Variants in WDPCP observed in about 807,000 individuals in gnomAD.
WDPCP encodes the protein WD repeat-containing and planar cell polarity effector protein fritz homolog.
In WDPCP, 71 loss-of-function variants were observed where a neutral mutation model predicts 93.1. The ratio of observed to expected loss-of-function variants is 0.76; its 90% CI spans 0.63 to 0.93. The LOEUF is 0.93. Ranked by LOEUF, WDPCP falls within the 40% of genes least tolerant of loss-of-function variation. WDPCP has a pLI of 0.00. For missense variants in WDPCP, 844 were observed against 887.4 expected, an observed-to-expected ratio of 0.95 and a Z score of 0.62; for synonymous variants, 315 against 315.0, an observed-to-expected ratio of 1.00 and a Z score of 0.00.
intron 6 of WDPCP, among the ~76,000 whole-genome samples, chr2:63,456,891 A>G (rs1189015471): frequency 6.6e-6 from 1 of 152,154 alleles, no homozygotes; most frequent in Non-Finnish European, 1.5e-5. Flanking sequence ...ACATGCCTGT[A>G]ATCCCAGCTA....
chr2:63,785,542 T>C (rs1211130651), intron 2 of WDPCP, among the ~76,000 whole-genome samples: 2 of 152,152 alleles, frequency 1.3e-5, no homozygotes, highest in Non-Finnish European at 2.9e-5. Flanking sequence ...CAGCAGATAA[T>C]TTTTTCCCTA....
At chr2:63,321,928 A>G (rs6545991) in intron 12 of WDPCP, among the ~76,000 whole-genome samples, 121,840 of 152,098 alleles carry the variant, frequency 0.8, 49,677 homozygotes, top group East Asian at 0.96. Flanking sequence ...GGTATTATTG[A>G]CACAAAAAAA....
chr2:63,640,346 T>G (rs1161674766), intron 3 of WDPCP, among the ~76,000 whole-genome samples: 1 of 152,164 alleles, frequency 6.6e-6, no homozygotes, highest in Non-Finnish European at 1.5e-5. Flanking sequence ...CATGAAAAAT[T>G]AGCTGCATGT....
At chr2:63,437,642 C>G (rs1259497240) in intron 7 of WDPCP, 88 bp from the exon 8 acceptor site, 2 of 1,261,010 alleles carry the variant, frequency 1.6e-6, no homozygotes, top group Admixed American at 4.8e-5. Context: ...TATTTTCAAA[C>G]ATACATATTA....
At chr2:63,825,137 T>C (rs1671093608) in intron 1 of WDPCP, among the ~76,000 whole-genome samples, 1 of 152,180 alleles carries the variant, frequency 6.6e-6, no homozygotes, top group Non-Finnish European at 1.5e-5. Context: ...GTCTCACTAA[T>C]AAATGCCGGT....
intron 6 of WDPCP, among the ~76,000 whole-genome samples, chr2:63,449,892 T>G (rs1698117152): frequency 6.6e-6 from 1 of 152,142 alleles, no homozygotes; most frequent in Non-Finnish European, 1.5e-5. Context: ...GACATCCCAG[T>G]GTCCACTCAG....
chr2:63,432,613 T>G (rs534758597), intron 9 of WDPCP, among the ~76,000 whole-genome samples: 1 of 152,130 alleles, frequency 6.6e-6, no homozygotes, highest in Non-Finnish European at 1.5e-5. Context: ...ACATGGTTTA[T>G]GTAAGGAAAC....
intron 1 of WDPCP, among the ~76,000 whole-genome samples, chr2:63,529,877 C>T (rs547242446): frequency 3.3e-5 from 5 of 152,066 alleles, no homozygotes; most frequent in African/African-American, 1.2e-4. Flanking sequence ...CAATTTCAGA[C>T]CCTGTTATTG....
intron 2 of WDPCP, among the ~76,000 whole-genome samples, chr2:63,783,430 A>G (rs1398250436): frequency 6.6e-6 from 1 of 152,076 alleles, no homozygotes; most frequent in Non-Finnish European, 1.5e-5. Context: ...TAAAAAAAAA[A>G]TTTTAATAAA....
chr2:63,695,608 T>C (rs1394551756), intron 2 of WDPCP, among the ~76,000 whole-genome samples: 2 of 152,206 alleles, frequency 1.3e-5, no homozygotes, highest in Non-Finnish European at 2.9e-5. Flanking sequence ...TGGATCTCCT[T>C]GGGCTCTTTT....
At chr2:63,526,877 C>T (rs1331791059) in intron 1 of WDPCP, among the ~76,000 whole-genome samples, 1 of 152,110 alleles carries the variant, frequency 6.6e-6, no homozygotes, top group South Asian at 2.1e-4. Flanking sequence ...AGTACATGAA[C>T]TAGAATGCAT....
chr2:63,415,324 C>T (rs2105305305), intron 9 of WDPCP, among the ~76,000 whole-genome samples: 1 of 152,294 alleles, frequency 6.6e-6, no homozygotes, highest in South Asian at 2.1e-4. Flanking sequence ...TATCATGCCA[C>T]TGCATTCCAG....
chr2:63,717,529 G>C (rs1396372609), intron 2 of WDPCP: 3 of 475,986 alleles, frequency 6.3e-6, no homozygotes, highest in South Asian at 1.6e-5. Context: ...ACTCAGGACA[G>C]GTTGTCCCAG....
chr2:63,538,026 TTATAA>T (rs1704430685), intron 1 of WDPCP, among the ~76,000 whole-genome samples: 1 of 152,176 alleles, frequency 6.6e-6, no homozygotes, highest in African/African-American at 2.4e-5. Context: ...TGCAATCATC[TTATAA>T]TATGCGCTAA....
rs375454800 is a variant in WDPCP, at chr2:63,273,827, GCA to G, written c.1813-14420_1813-14419del. Among the ~76,000 whole-genome samples the G allele has an allele frequency of 5.1e-3, 280 of 54,472 alleles. 3 individuals are homozygous for G. The East Asian group carries it at 0.12, about 24-fold the overall frequency. 35.7% of individuals were successfully genotyped at this position (54,472 alleles called of 152,430 possible). ...CGCAGAAACACACACACACACACACGCACACACACACACACACACACAGAACA... is the reference window on the plus strand; with the variant it reads ...CGCAGAAACACACACACACACACACGCACACACACACACACACACAGAACA... On this transcript the variant is annotated intron_variant, in intron 13 of 17. Transcript: ENST00000272321.
At chr2:63,551,061 G>A (rs1216032225) in intron 1 of WDPCP, among the ~76,000 whole-genome samples, 1 of 151,960 alleles carries the variant, frequency 6.6e-6, no homozygotes, top group Non-Finnish European at 1.5e-5. Flanking sequence ...ACCCACTAAA[G>A]TCTACCTTAT....
chr2:63,605,516 A>T (rs774655565), intron 3 of WDPCP: 12 of 705,990 alleles, frequency 1.7e-5, no homozygotes, highest in Middle Eastern at 2.5e-4. Flanking sequence ...TCAGCTGCCT[A>T]TTAACAAGTA....
intron 15 of WDPCP, among the ~76,000 whole-genome samples, chr2:63,172,231 T>C (rs1402540902): frequency 4.6e-5 from 7 of 152,164 alleles, no homozygotes; most frequent in Admixed American, 4.6e-4. Flanking sequence ...AGTATCCAGA[T>C]ATGGTGGCTC....
At position 63,752,457 on chromosome 2, in the gene WDPCP, T is replaced by C. The variant is rs563970538; in HGVS notation, n.308+61165A>G. ...TCCACCTCCTCCATAGTGGCATAGG[T>C]GACAAACCCAAAGCCCCTGGAGCGC... On this transcript the variant is annotated intron_variant and non_coding_transcript_variant, in intron 2 of 4. Transcript: ENST00000467687. 549 of 781,008 alleles carry C rather than the reference T, an allele frequency of 7.0e-4. 2 individuals are homozygous for C. Among genetic ancestry groups the C allele is most frequent in the Non-Finnish European group, 1.1e-3 (475 of 439,838 alleles). 48.4% of individuals were successfully genotyped at this position (781,008 alleles called of 1,614,324 possible). A position where few individuals can be genotyped will look rare whatever the true frequency, so the allele number is the denominator to read the frequency against.
Sources: allele counts gnomAD v4.1 joint callset (sites outside exome capture counted in the v4.1 genomes callset), GRCh38; gene constraint gnomAD v4.1.1; transcripts MANE v1.5; gene names NCBI Gene and HGNC (gene_info 2026-07-23, HGNC 2026-07-21).